The following AGBL4 variants were observed in gnomAD, a reference collection of about 807,000 sequenced individuals.
AGBL4 encodes AGBL carboxypeptidase 4.
AGBL4 carries 58 observed loss-of-function variants against 66.4 expected under a neutral mutation model. That is an observed-to-expected ratio of 0.87 (90% confidence interval 0.71 to 1.09). The LOEUF (loss-of-function observed/expected upper bound fraction) is 1.09. AGBL4 is among the 50% of genes least tolerant of loss of function. The pLI is 0.00. For synonymous variants in AGBL4, 234 were observed against 222.9 expected (o/e 1.05, Z -0.44); for missense variants, 579 against 631.0 (o/e 0.92, Z 0.88).
chr1:48,712,981 TC>T (rs1304109883), intron 6 of AGBL4, among the ~76,000 whole-genome samples: 1 of 152,160 alleles, frequency 6.6e-6, no homozygotes, highest in African/African-American at 2.4e-5. Flanking sequence ...TGCTTGTCAC[TC>T]CCAGGGGTGC....
chr1:49,385,260 T>C (rs570877415), intron 3 of AGBL4, among the ~76,000 whole-genome samples: 7 of 152,178 alleles, frequency 4.6e-5, no homozygotes, highest in Non-Finnish European at 1.0e-4. Context: ...CTGTATAGTA[T>C]ACCTACAAAT....
rs1236947535 is a variant in AGBL4, at chr1:49,950,007, T to TACAC, written c.34+73755_34+73756insGTGT. Among the ~76,000 whole-genome samples, 91 of 75,450 alleles carry TACAC rather than the reference T, an allele frequency of 1.2e-3. 1 individual carries two copies. The East Asian group carries it at 0.046, about 38-fold the overall frequency. The allele number at this position is 75,450 out of a possible 152,430, so 49.5% of individuals were successfully genotyped here. Reference sequence around the variant, plus strand: ...ATGTATATATATATGTGTATATATATATACACACACATATGTGTGTGTGTG... The same window carrying TACAC: ...ATGTATATATATATGTGTATATATATACACATACACACACATATGTGTGTGTGTG... On this transcript the variant is annotated intron_variant, in intron 1 of 13. Transcript: ENST00000371839.
chr1:49,521,911 AG>A (rs1020255452), intron 3 of AGBL4, among the ~76,000 whole-genome samples: 4 of 36,728 alleles, frequency 1.1e-4, no homozygotes, highest in Non-Finnish European at 4.1e-4. Flanking sequence ...AAACTATTAG[AG>A]GGGGGAATGA....
At chr1:49,137,923 A>T (rs1235531221) in intron 4 of AGBL4, among the ~76,000 whole-genome samples, 1 of 152,146 alleles carries the variant, frequency 6.6e-6, no homozygotes. Context: ...GGGAGGGGAG[A>T]TTGAAGCTGC....
At chr1:49,650,945 AC>A (rs1645991981) in intron 3 of AGBL4, among the ~76,000 whole-genome samples, 1 of 152,122 alleles carries the variant, frequency 6.6e-6, no homozygotes, top group Non-Finnish European at 1.5e-5. Flanking sequence ...TGGTAGCTGC[AC>A]CCCACTGAAA....
In AGBL4 at chr1:48,634,587, A is replaced by T; in HGVS notation, c.857T>A (p.Phe286Tyr). Residue 286 changes from phenylalanine to tyrosine, a missense_variant, in exon 9 of 14, where the codon TTT becomes TAT. Physicochemically the swap from Phe to Tyr is conservative, Grantham distance 22. Coordinates refer to ENST00000371839, the MANE Select transcript of AGBL4 (RefSeq NM_032785.4). The stretch of plus-strand genomic sequence containing the variant: ...ATCCAGCCAGTGACGATTCAGATCA[A>T]ATCCCATCAGAGAACACCTAGGCAG... ...LGNYRCSLMG[F>Y]DLNRHWLDPS... 6.2e-7 allele frequency: 1 copy of T among 1,602,062 alleles called. No individual in the cohort carries two copies. The highest frequency in any genetic ancestry group is 8.5e-7 in the Non-Finnish European group (1 of 1,173,988).
At chr1:48,837,741 A>ATATATATATATC (rs1391171628) in intron 6 of AGBL4, among the ~76,000 whole-genome samples, 1 of 134,870 alleles carries the variant, frequency 7.4e-6, no homozygotes, top group East Asian at 2.3e-4. Flanking sequence ...ATATATATAT[A>ATATATATATATC]TCCTGTTAGT....
At chr1:48,921,276 G>C (rs889135285) in intron 5 of AGBL4, among the ~76,000 whole-genome samples, 3 of 152,164 alleles carry the variant, frequency 2.0e-5, no homozygotes, top group African/African-American at 7.2e-5. Flanking sequence ...AGGACCTTTG[G>C]CTGAAAATAG....
In AGBL4 at chr1:49,565,904, T is replaced by G. The variant is rs908660147; in HGVS notation, c.282+131409A>C. 3.9e-4 allele frequency among the ~76,000 whole-genome samples: 59 copies of G among 152,332 alleles called. 1 individual carries two copies. The highest frequency in any genetic ancestry group is 1.3e-3 in the African/African-American group (56 of 41,574). Reference sequence around the variant, plus strand: ...AATATCCTGCAGAGTGTTTTCCAACTTGGTTCCATTCTCCCCGTCACTTTC... The same window carrying G: ...AATATCCTGCAGAGTGTTTTCCAACGTGGTTCCATTCTCCCCGTCACTTTC... On this transcript the variant is annotated intron_variant, in intron 3 of 13. Transcript: ENST00000371839.
In AGBL4 at chr1:49,752,689, T is replaced by G. The variant is rs570515556; in HGVS notation, c.158-55252A>C. 5.5e-4 allele frequency among the ~76,000 whole-genome samples: 84 copies of G among 152,280 alleles called. No individual in the cohort carries two copies. The South Asian group carries it at 0.017, about 31-fold the overall frequency. ...GGGTGTTAAAGTCTCTCACTATTAT[T>G]GTGTGGTAGTCTAAGTCTCTCTGTA... On this transcript the variant is annotated intron_variant, in intron 2 of 13. Transcript: ENST00000371839.
intron 2 of AGBL4, among the ~76,000 whole-genome samples, chr1:49,830,748 A>G (rs1321068193): frequency 2.0e-5 from 3 of 152,196 alleles, no homozygotes; most frequent in Non-Finnish European, 4.4e-5. Flanking sequence ...TAGGTCTTAC[A>G]TTTAAGTCTT....
At chr1:48,922,401 G>A (rs183818351) in intron 5 of AGBL4, among the ~76,000 whole-genome samples, 2 of 152,062 alleles carry the variant, frequency 1.3e-5, no homozygotes, top group African/African-American at 4.8e-5. Context: ...GGTAAGAGAA[G>A]GATGCTAGCC....
At chr1:49,911,412 CATT>C (rs1374375721) in intron 1 of AGBL4, among the ~76,000 whole-genome samples, 4 of 152,148 alleles carry the variant, frequency 2.6e-5, no homozygotes, top group Non-Finnish European at 5.9e-5. Context: ...CACATATAGT[CATT>C]ATTGCAAGAT....
chr1:49,343,448 A>C (rs999847968), intron 3 of AGBL4, among the ~76,000 whole-genome samples: 4 of 152,206 alleles, frequency 2.6e-5, no homozygotes, highest in African/African-American at 9.7e-5. Flanking sequence ...AATGGAAGTT[A>C]TGGAGGGGAT....
At chr1:49,344,446 G>T (rs187794806) in intron 3 of AGBL4, among the ~76,000 whole-genome samples, 2 of 152,172 alleles carry the variant, frequency 1.3e-5, no homozygotes, top group African/African-American at 2.4e-5. Context: ...AGGCTTAAAG[G>T]ATTGTTTTAA....
At chr1:50,019,478 G>A (rs1314199587) in intron 1 of AGBL4, among the ~76,000 whole-genome samples, 1 of 151,772 alleles carries the variant, frequency 6.6e-6, no homozygotes, top group African/African-American at 2.4e-5. Flanking sequence ...AACAAAAAAG[G>A]CTTAACTATT....
At chr1:48,756,103 G>A (rs546320264) in intron 6 of AGBL4, among the ~76,000 whole-genome samples, 67 of 152,218 alleles carry the variant, frequency 4.4e-4, no homozygotes, top group African/African-American at 1.5e-3. Context: ...GGCACTATGC[G>A]GTGTGTCACA....
At chr1:49,744,663 C>T (rs1650847692) in intron 2 of AGBL4, among the ~76,000 whole-genome samples, 1 of 152,052 alleles carries the variant, frequency 6.6e-6, no homozygotes, top group East Asian at 1.9e-4. Context: ...AAGTATAAAC[C>T]TATTTTTGTT....
intron 1 of AGBL4, among the ~76,000 whole-genome samples, chr1:49,921,094 G>T (rs1370222234): frequency 1.3e-5 from 2 of 152,134 alleles, no homozygotes; most frequent in Non-Finnish European, 2.9e-5. Context: ...CTGTCGTGGG[G>T]TGGGAGTATG....
Sources: gnomAD v4.1 joint callset for allele counts (sites outside exome capture counted in the v4.1 genomes callset) on GRCh38, gnomAD v4.1.1 for gene constraint, MANE v1.5 for transcripts, NCBI Gene and HGNC (gene_info 2026-07-23, HGNC 2026-07-21) for gene names.